SNX29: variants seen among roughly 807,000 people sequenced by gnomAD.
SNX29 encodes the protein sorting nexin 29.
SNX29 carries 78 observed loss-of-function variants against 102.1 expected under a neutral mutation model. The ratio of observed to expected loss-of-function variants is 0.76; its 90% confidence interval spans 0.64 to 0.92. The LOEUF (loss-of-function observed/expected upper bound fraction) is 0.92, where lower values mean the gene tolerates loss of function less well. SNX29 is among the 40% of genes least tolerant of loss of function. The pLI is 0.00. For missense variants in SNX29, 1,280 were observed against 1,061.7 expected, an observed-to-expected ratio of 1.21 and a Z score of -2.86; for synonymous variants, 580 against 414.5, an observed-to-expected ratio of 1.40 and a Z score of -4.85.
intron 14 of SNX29, among the ~76,000 whole-genome samples, chr16:12,251,335 T>C (rs925705151): frequency 6.6e-6 from 1 of 152,240 alleles, no homozygotes; most frequent in Non-Finnish European, 1.5e-5. Context: ...TGTTCATTAA[T>C]ATTATTGACC....
At chr16:12,340,766 A>AT in intron 15 of SNX29, among the ~76,000 whole-genome samples, 1 of 152,292 alleles carries the variant, frequency 6.6e-6, no homozygotes, top group South Asian at 2.1e-4. Context: ...CACCCGGAGC[A>AT]TGTGGTATCT....
At chr16:12,288,469 GC>G (rs1184578680) in intron 15 of SNX29, among the ~76,000 whole-genome samples, 2 of 152,188 alleles carry the variant, frequency 1.3e-5, no homozygotes, top group African/African-American at 4.8e-5. Flanking sequence ...CTCTGCAGCA[GC>G]AGTCCCGGAG....
intron 1 of SNX29, among the ~76,000 whole-genome samples, chr16:11,997,049 T>C (rs1303241293): frequency 6.6e-6 from 1 of 152,216 alleles, no homozygotes; most frequent in African/African-American, 2.4e-5. Flanking sequence ...TTTAGAGGTC[T>C]TGAGTCAGGA....
chr16:12,490,320 GCTT>G (rs777643117), intron 19 of SNX29, among the ~76,000 whole-genome samples: 5 of 152,102 alleles, frequency 3.3e-5, no homozygotes, highest in Non-Finnish European at 7.3e-5. Flanking sequence ...TTTGTATCTG[GCTT>G]CTTTCTCTCA....
intron 16 of SNX29, among the ~76,000 whole-genome samples, chr16:12,372,094 C>A (rs1386588737): frequency 2.0e-5 from 3 of 152,174 alleles, no homozygotes; most frequent in Admixed American, 1.3e-4. Flanking sequence ...TTGGTATATA[C>A]CCTTCCAGGT....
intron 16 of SNX29, among the ~76,000 whole-genome samples, chr16:12,361,951 CGCCTATACATGTTAATAACGAGCACAT>C (rs1389257061): frequency 2.3e-4 from 35 of 152,270 alleles, no homozygotes; most frequent in East Asian, 1.5e-3. Flanking sequence ...CGCTTTATTG[CGCCTATACATGTTAATAACGAGCACAT>C]GCCTATACAT....
chr16:12,363,368 A>G (rs961771443), intron 16 of SNX29, among the ~76,000 whole-genome samples: 3 of 152,020 alleles, frequency 2.0e-5, no homozygotes, highest in Admixed American at 6.6e-5. Flanking sequence ...CTTCCTTTCC[A>G]TGGGGCCTGG....
intron 14 of SNX29, among the ~76,000 whole-genome samples, chr16:12,233,133 CT>C (rs955627857): frequency 6.6e-6 from 1 of 152,090 alleles, no homozygotes; most frequent in African/African-American, 2.4e-5. Flanking sequence ...CCTCCTCCCC[CT>C]ATTCTTCCTC....
At chr16:12,205,090 G>C (rs1356361264) in intron 14 of SNX29, among the ~76,000 whole-genome samples, 3 of 152,240 alleles carry the variant, frequency 2.0e-5, no homozygotes, top group Non-Finnish European at 4.4e-5. Flanking sequence ...TTCGAAGGCT[G>C]ATTCAGTGAA....
At chr16:12,277,821 G>C in intron 14 of SNX29, 112 bp from the exon 15 acceptor site, 1 of 817,686 alleles carries the variant, frequency 1.2e-6, no homozygotes, top group South Asian at 1.6e-5. Flanking sequence ...TTTTTCTTGA[G>C]AGCTTTTTCA....
intron 13 of SNX29, among the ~76,000 whole-genome samples, chr16:12,191,167 G>C (rs1366697451): frequency 6.6e-6 from 1 of 152,172 alleles, no homozygotes; most frequent in Non-Finnish European, 1.5e-5. Context: ...GTTCACAATA[G>C]GGTTCGTGCT....
chr16:12,178,812 A>T (rs1029737882), intron 13 of SNX29, among the ~76,000 whole-genome samples: 7 of 152,182 alleles, frequency 4.6e-5, no homozygotes, highest in African/African-American at 1.7e-4. Context: ...TGGAAGGAGC[A>T]TATTTGACTA....
Position 12,574,049 on chromosome 16 carries a change from G to A in SNX29, c.*5420G>A. On this transcript the variant is annotated 3_prime_UTR_variant, in exon 21 of 21. Coordinates refer to ENST00000566228, the MANE Select transcript of SNX29 (RefSeq NM_032167.5). Reference sequence around the variant, plus strand: ...ATATCTAGAGTCTGATAGTCTGTGTGTACATAAGGTCTAGAAGTCTGTGGA... The same window carrying A: ...ATATCTAGAGTCTGATAGTCTGTGTATACATAAGGTCTAGAAGTCTGTGGA... The A allele has an allele frequency of 5.1e-6, 1 of 195,316 alleles. No individual in the cohort carries two copies. Among genetic ancestry groups the A allele is most frequent in the Non-Finnish European group, 1.1e-5 (1 of 94,024 alleles). 12.1% of individuals were successfully genotyped at this position (195,316 alleles called of 1,614,324 possible).
intron 14 of SNX29, among the ~76,000 whole-genome samples, chr16:12,237,273 C>A (rs373160464): frequency 6.6e-6 from 1 of 152,188 alleles, no homozygotes; most frequent in African/African-American, 2.4e-5. Context: ...TCATGCACAG[C>A]GAGAATCACA....
intron 14 of SNX29, among the ~76,000 whole-genome samples, chr16:12,237,341 T>G (rs891569209): frequency 1.3e-5 from 2 of 152,130 alleles, no homozygotes; most frequent in African/African-American, 4.8e-5. Flanking sequence ...TGTCTGGGAG[T>G]GGGCAGTTTC....
intron 16 of SNX29, among the ~76,000 whole-genome samples, chr16:12,390,149 G>GGGGTGTGT (rs55953631): frequency 2.3e-4 from 34 of 145,678 alleles, no homozygotes; most frequent in East Asian, 1.5e-3. Flanking sequence ...GCAATTGAGG[G>GGGGTGTGT]GTGTGTGTGT....
At position 12,277,932 on chromosome 16, in the gene SNX29, G is replaced by T; in HGVS notation, c.1679-1G>T. ...TATGACATGTCTCTCTTTCTCTAAAGTGCCAAATCTTTGGAGTGTTGATGG... is the reference window on the plus strand; with the variant it reads ...TATGACATGTCTCTCTTTCTCTAAATTGCCAAATCTTTGGAGTGTTGATGG... On this transcript the variant is annotated splice_acceptor_variant, in intron 14 of 20. Coordinates refer to ENST00000566228, the MANE Select transcript of SNX29 (RefSeq NM_032167.5). LOFTEE classifies it high-confidence loss of function. 1.2e-6 allele frequency: 2 copies of T among 1,604,188 alleles called. No homozygotes were observed. Among genetic ancestry groups the T allele is most frequent in the Non-Finnish European group, 1.7e-6 (2 of 1,175,032 alleles).
intron 16 of SNX29, among the ~76,000 whole-genome samples, chr16:12,371,552 G>A (rs961909186): frequency 6.6e-6 from 1 of 152,160 alleles, no homozygotes; most frequent in Non-Finnish European, 1.5e-5. Flanking sequence ...AAGCAATCCT[G>A]CCTCAGCCTC....
intron 15 of SNX29, among the ~76,000 whole-genome samples, chr16:12,339,808 A>C (rs1202550710): frequency 6.6e-6 from 1 of 152,150 alleles, no homozygotes; most frequent in Non-Finnish European, 1.5e-5. Flanking sequence ...GCCTGACTTG[A>C]GTCTTCTGCC....
Sources: allele counts gnomAD v4.1 joint callset (sites outside exome capture counted in the v4.1 genomes callset), GRCh38; gene constraint gnomAD v4.1.1; transcripts MANE v1.5; gene names NCBI Gene and HGNC (gene_info 2026-07-23, HGNC 2026-07-21).